Variants in NPIPB15 observed in about 807,000 individuals in gnomAD.
NPIPB15 encodes nuclear pore complex-interacting protein family member B15.
Under a neutral mutation model 35.9 loss-of-function variants are expected in NPIPB15, and 5 were observed. The observed-to-expected ratio is 0.14, with a 90% CI of 0.07 to 0.29. NPIPB15 has a LOEUF of 0.29. Ranked by LOEUF, NPIPB15 falls within the 10% of genes least tolerant of loss-of-function variation. The pLI, the probability that NPIPB15 is intolerant of heterozygous loss-of-function variation, is 1.00. For synonymous variants in NPIPB15, 43 were observed against 182.0 expected, an observed-to-expected ratio of 0.24 and a Z score of 6.15; for missense variants, 100 against 506.1, an observed-to-expected ratio of 0.20 and a Z score of 7.70.
chr16:74,379,218 G>A (rs536730633), intron 2 of NPIPB15, among the ~76,000 whole-genome samples: 82 of 152,302 alleles, frequency 5.4e-4, no homozygotes, highest in African/African-American at 1.8e-3. Flanking sequence ...TGCATGCCAT[G>A]CCATAGGTAC....
At position 74,377,196 on chromosome 16, in the gene NPIPB15, G is replaced by A. The variant is rs1354647764; in HGVS notation, c.-173G>A. On this transcript the variant is annotated 5_prime_UTR_variant, in exon 1 of 8. Coordinates refer to ENST00000692376, the MANE Select transcript of NPIPB15 (RefSeq NM_001306094.2). Reference sequence around the variant, plus strand: ...CGGAGGCTGTAAAACCTGGCACTCTGCTTGGGTATGAAGTTCTTCCTGCCA... The same window carrying A: ...CGGAGGCTGTAAAACCTGGCACTCTACTTGGGTATGAAGTTCTTCCTGCCA... Among the ~76,000 whole-genome samples, 1 of 136,106 alleles carries A rather than the reference G, an allele frequency of 7.3e-6. No homozygotes were observed. The highest frequency in any genetic ancestry group is 1.6e-5 in the Non-Finnish European group (1 of 64,146). The allele number at this position is 136,106 out of a possible 152,430, so 89.3% of individuals were successfully genotyped here. A position where few individuals can be genotyped will look rare whatever the true frequency, so the allele number is the denominator to read the frequency against.
chr16:74,391,122 C>T (rs995564262), intron 7 of NPIPB15: 2 of 949,950 alleles, frequency 2.1e-6, no homozygotes, highest in African/African-American at 3.5e-5. Context: ...TTCCCTGGGG[C>T]AGGACCCCAG....
intron 2 of NPIPB15, among the ~76,000 whole-genome samples, chr16:74,379,292 G>C (rs1461523980): frequency 2.0e-5 from 3 of 152,120 alleles, no homozygotes; most frequent in African/African-American, 4.8e-5. Context: ...TTGTTGTATG[G>C]TTCTCTAACT....
intron 3 of NPIPB15, among the ~76,000 whole-genome samples, chr16:74,383,880 C>A (rs1283693411): frequency 2.6e-5 from 4 of 151,648 alleles, no homozygotes; most frequent in Non-Finnish European, 5.9e-5. Flanking sequence ...AGCGCCACTG[C>A]ACTTCAGCAT....
chr16:74,388,320 T>G (rs2012382729), intron 5 of NPIPB15: 2 of 915,642 alleles, frequency 2.2e-6, no homozygotes, highest in Non-Finnish European at 2.6e-6. Context: ...ATGGAGTTAG[T>G]TGTGATGAGT....
intron 3 of NPIPB15, among the ~76,000 whole-genome samples, chr16:74,384,666 C>CTTTTTT (rs1567414016): frequency 1.9e-5 from 2 of 107,878 alleles, no homozygotes; most frequent in African/African-American, 3.7e-5. Flanking sequence ...CGCACCTGGC[C>CTTTTTT]TATTTTTTTT....
At chr16:74,390,219 A>T (rs200609064) in intron 7 of NPIPB15, 189 bp downstream of exon 7, 10,961 of 928,072 alleles carry the variant, frequency 0.012, no homozygotes, top group Non-Finnish European at 0.013. Context: ...ATCCCCACCC[A>T]GTGGGGCCCC....
chr16:74,387,950 C>T (rs1219426575), intron 5 of NPIPB15, among the ~76,000 whole-genome samples: 2 of 152,014 alleles, frequency 1.3e-5, no homozygotes, highest in South Asian at 4.2e-4. Context: ...CCTTTTTCTG[C>T]CCTCAAACTC....
intron 1 of NPIPB15, 153 bp from the exon 2 acceptor site, chr16:74,377,782 CCCCCCTTCCCCTCCCCT>C (rs2011740252): frequency 5.4e-5 from 3 of 55,512 alleles, no homozygotes; most frequent in African/African-American, 1.5e-4. Flanking sequence ...TCCCTTACTT[CCCCCCTTCCCCTCCCCT>C]CCCCCTCCCC....
Position 74,384,822 on chromosome 16 carries a change from C to G in NPIPB15, c.250-520C>G, listed in dbSNP as rs1456340328. ...TCAGCCTCCCGACTAGCTGGGATTA[C>G]AGGCATGCACCACCATGCCTGGCTA... On this transcript the variant is annotated intron_variant, in intron 3 of 7. Transcript: ENST00000692376. 2.6e-5 allele frequency among the ~76,000 whole-genome samples: 4 copies of G among 151,874 alleles called. No individual in the cohort carries two copies. The Admixed American group carries it at 2.6e-4, about 10-fold the overall frequency.
At position 74,377,186 on chromosome 16, in the gene NPIPB15, C is replaced by G. The variant is rs917805568; in HGVS notation, c.-183C>G. ...AATGGCTGAGCGGAGGCTGTAAAAC[C>G]TGGCACTCTGCTTGGGTATGAAGTT... On this transcript the variant is annotated 5_prime_UTR_variant, in exon 1 of 8. Transcript: ENST00000692376. 1.5e-5 allele frequency among the ~76,000 whole-genome samples: 2 copies of G among 135,860 alleles called. No individual in the cohort carries two copies. The highest frequency in any genetic ancestry group is 3.1e-5 in the Non-Finnish European group (2 of 64,092). 89.1% of individuals were successfully genotyped at this position (135,860 alleles called of 152,430 possible). A position where few individuals can be genotyped will look rare whatever the true frequency, so the allele number is the denominator to read the frequency against.
chr16:74,389,460 C>T (rs1163514986), intron 5 of NPIPB15, among the ~76,000 whole-genome samples: 18 of 148,446 alleles, frequency 1.2e-4, no homozygotes, highest in Non-Finnish European at 2.2e-4. Context: ...GCAACCTCCG[C>T]CTCCCAGGTT....
Position 74,391,898 on chromosome 16 carries a change from C to T in NPIPB15, c.1150C>T (p.Pro384Ser). The change falls in exon 8 of 8, where the codon CCC becomes TCC. Residue 384 changes from proline to serine, a missense_variant. Pro to Ser is a moderately conservative substitution (Grantham distance 74, BLOSUM62 -1). Transcript: ENST00000692376. Reference sequence around the variant, plus strand: ...GAGGGCGGATGAGGTGGAACAATCGCCCAAGCCCAAGAGGCAGAGGGAGGC... The same window carrying T: ...GAGGGCGGATGAGGTGGAACAATCGTCCAAGCCCAAGAGGCAGAGGGAGGC... ...RRRADEVEQSPKPKRQREAEA... is the reference protein window; with the variant it reads ...RRRADEVEQSSKPKRQREAEA... The T allele has an allele frequency of 6.3e-7, 1 of 1,580,940 alleles. No homozygotes were observed. Among genetic ancestry groups the T allele is most frequent in the South Asian group, 1.1e-5 (1 of 87,568 alleles).
chr16:74,377,870 C>T (rs1439519055), intron 1 of NPIPB15, 82 bp from the exon 2 acceptor site: 4 of 965,868 alleles, frequency 4.1e-6, no homozygotes, highest in Admixed American at 3.0e-5. Context: ...TCCCCCTCCC[C>T]AACTTAGATC....
chr16:74,391,183 T>A (rs2012516545), intron 7 of NPIPB15: 1 of 985,272 alleles, frequency 1.0e-6, no homozygotes, highest in African/African-American at 1.7e-5. Flanking sequence ...CAACAGTGTG[T>A]CCCAATGACT....
chr16:74,391,438 C>A lies in NPIPB15; in HGVS notation c.690C>A (p.Cys230Ter), dbSNP rs759078407. ...AEHRHSSGLP[C>*]WPYLTAEALK... ...ATCGTCATTCTTCAGGATTGCCCTG[C>A]TGGCCCTACCTCACAGCTGAAGCTT... The change falls in exon 8 of 8, where the codon TGC becomes TGA. Residue 230 changes from cysteine to a stop codon, truncating the protein, a stop_gained. Coordinates refer to ENST00000692376, the MANE Select transcript of NPIPB15 (RefSeq NM_001306094.2). LOFTEE classifies it low-confidence loss of function (END_TRUNC). 2 of 1,610,822 alleles carry A rather than the reference C, an allele frequency of 1.2e-6. No individual in the cohort carries two copies. Among genetic ancestry groups the A allele is most frequent in the South Asian group, 1.1e-5 (1 of 91,076 alleles).
chr16:74,378,356 C>G lies in NPIPB15; in HGVS notation c.66+317C>G, dbSNP rs1421461179. Among the ~76,000 whole-genome samples the G allele has an allele frequency of 4.7e-5, 7 of 147,666 alleles. No homozygotes were observed. The South Asian group carries it at 1.3e-3, about 27-fold the overall frequency. On this transcript the variant is annotated intron_variant, in intron 2 of 7. Transcript: ENST00000692376. The stretch of plus-strand genomic sequence containing the variant: ...TGAGATGGCCCCGCTGCACTCTTGT[C>G]TCTAACAAACAAAATGGACCAAAAC...
intron 2 of NPIPB15, among the ~76,000 whole-genome samples, chr16:74,379,621 G>C (rs1158352973): frequency 1.4e-5 from 2 of 143,152 alleles, no homozygotes; most frequent in Non-Finnish European, 3.0e-5. Context: ...ACAGAGTCTC[G>C]CTCTGTCACC....
rs1317307446 is a variant in NPIPB15, at chr16:74,381,592, A to C, written c.143A>C (p.His48Pro). The C allele has an allele frequency of 2.6e-6, 4 of 1,566,896 alleles. No individual in the cohort carries two copies. Among genetic ancestry groups the C allele is most frequent in the South Asian group, 1.1e-5 (1 of 87,754 alleles). Reference protein sequence around the residue: ...GVGVRDHPGQHGKTPSPQKLD... With the variant: ...GVGVRDHPGQPGKTPSPQKLD... ...GGAGTTCGAGACCACCCTGGCCAAC[A>C]TGGCAAAACCCCATCTCCACAAAAA... is the stretch of plus-strand genomic sequence containing the variant. The change falls in exon 3 of 8, where the codon CAT (histidine) becomes CCT (proline). Residue 48 changes from histidine to proline, a missense_variant. By Grantham distance (77) the His-to-Pro change is moderately conservative. Transcript: ENST00000692376.
Sources: gnomAD v4.1 joint callset for allele counts (sites outside exome capture counted in the v4.1 genomes callset) on GRCh38, gnomAD v4.1.1 for gene constraint, MANE v1.5 for transcripts, NCBI Gene and HGNC (gene_info 2026-07-23, HGNC 2026-07-21) for gene names.